Variants in UGT2B11 observed in about 807,000 individuals in gnomAD.
UGT2B11 encodes UDP glucuronosyltransferase family 2 member B11.
A neutral mutation model predicts 51.7 loss-of-function variants in UGT2B11; 49 were observed. The ratio of observed to expected loss-of-function variants is 0.95; its 90% CI spans 0.75 to 1.20. UGT2B11 has a LOEUF of 1.20. Ranked by LOEUF, UGT2B11 falls within the 50% of genes most tolerant of loss-of-function variation. The probability of loss-of-function intolerance (pLI) is 0.00; values close to 1 mark genes in which losing one functional copy is unlikely to be tolerated. For synonymous variants in UGT2B11, 273 were observed against 209.0 expected (o/e 1.31, Z -2.64); for missense variants, 810 against 622.1 (o/e 1.30, Z -3.21).
At chr4:69,219,408 G>C (rs148967974), upstream of UGT2B11, among the ~76,000 whole-genome samples, 908 of 152,132 alleles carry the variant, frequency 6.0e-3, 9 homozygotes, top group African/African-American at 0.021. Context: ...TGTTTATTCT[G>C]TTGATAGTTA....
At chr4:69,218,661 G>C (rs182364853), upstream of UGT2B11, among the ~76,000 whole-genome samples, 19 of 151,896 alleles carry the variant, frequency 1.3e-4, no homozygotes, top group Admixed American at 1.2e-3. Context: ...GAAGGTTCTC[G>C]GATTCCACAC....
upstream of UGT2B11, among the ~76,000 whole-genome samples, chr4:69,217,608 A>G (rs1309484963): frequency 6.6e-6 from 1 of 152,000 alleles, no homozygotes; most frequent in East Asian, 1.9e-4. Flanking sequence ...CCTTTCCAAG[A>G]CAGCCCATAT....
At position 69,200,383 on chromosome 4, in the gene UGT2B11, G is replaced by A; in HGVS notation, c.*57C>T. 7.2e-7 allele frequency: 1 copy of A among 1,397,114 alleles called. No homozygotes were observed. Among genetic ancestry groups the A allele is most frequent in the Admixed American group, 2.4e-5 (1 of 41,440 alleles). The allele number at this position is 1,397,114 out of a possible 1,614,324, so 86.5% of individuals were successfully genotyped here. ...CATAACAATCTTTTCTTTCTTGCTG[G>A]AATAAACTGAAGTTGTCCTATCTAT... On this transcript the variant is annotated 3_prime_UTR_variant, in exon 6 of 6. Transcript: ENST00000446444.
chr4:69,201,369 AT>A (rs1721653165), intron 5 of UGT2B11: 1 of 151,810 alleles, frequency 6.6e-6, no homozygotes, highest in African/African-American at 2.4e-5. Flanking sequence ...AGCCAGAATG[AT>A]TTTTTGAAAT....
In UGT2B11 at chr4:69,213,944, C is replaced by T. The variant is rs188936407; in HGVS notation, c.721+58G>A. On this transcript the variant is annotated intron_variant, in intron 1 of 5. Coordinates refer to ENST00000446444, the MANE Select transcript of UGT2B11 (RefSeq NM_001073.3). Reference sequence around the variant, plus strand: ...CTGACTTTATGGCTTTATAAAAGCTCTGCTTCAAAGACACAAATAAGTTAG... The same window carrying T: ...CTGACTTTATGGCTTTATAAAAGCTTTGCTTCAAAGACACAAATAAGTTAG... 2,753 of 1,489,980 alleles carry T rather than the reference C, an allele frequency of 1.8e-3. 14 individuals are homozygous for T. The Middle Eastern group carries it at 0.021, about 12-fold the overall frequency. The allele number at this position is 1,489,980 out of a possible 1,614,324, so 92.3% of individuals were successfully genotyped here. A position where few individuals can be genotyped will look rare whatever the true frequency, so the allele number is the denominator to read the frequency against.
At chr4:69,213,546 A>T (rs1722152585) in intron 1 of UGT2B11, among the ~76,000 whole-genome samples, 3 of 151,866 alleles carry the variant, frequency 2.0e-5, no homozygotes, top group African/African-American at 4.8e-5. Context: ...AACCTTCTGG[A>T]AACATGGGAA....
At chr4:69,215,933 T>C (rs1250678088), upstream of UGT2B11, 2 of 152,020 alleles carry the variant, frequency 1.3e-5, no homozygotes, top group African/African-American at 4.8e-5. Flanking sequence ...AAAACTAATC[T>C]CACTTCTTTT....
the UGT2B11 span, among the ~76,000 whole-genome samples, chr4:69,223,835 A>G: frequency 6.6e-6 from 1 of 152,058 alleles, no homozygotes; most frequent in Non-Finnish European, 1.5e-5. Flanking sequence ...CTTCCTTCCA[A>G]TACCAACTAT....
chr4:69,205,316 T>C (rs1721808250), intron 4 of UGT2B11, among the ~76,000 whole-genome samples, 164 bp downstream of exon 4: 1 of 151,800 alleles, frequency 6.6e-6, no homozygotes, highest in East Asian at 1.9e-4. Context: ...TTATATATCA[T>C]AAAATGCCAA....
At chr4:69,217,300 G>A (rs1427654407), upstream of UGT2B11, among the ~76,000 whole-genome samples, 1 of 152,144 alleles carries the variant, frequency 6.6e-6, no homozygotes, top group Admixed American at 6.6e-5. Flanking sequence ...AAAGATGCAT[G>A]TCACAAAACA....
chr4:69,200,443 ATC>A lies in UGT2B11; in HGVS notation c.1585_1586del (p.Asp529LeufsTer7), dbSNP rs1013003493. 4.3e-6 allele frequency: 7 copies of A among 1,610,628 alleles called. No individual in the cohort carries two copies. The African/African-American group carries it at 9.4e-5, about 22-fold the overall frequency. On this transcript the variant is annotated frameshift_variant, in exon 6 of 6. Coordinates refer to ENST00000446444, the MANE Select transcript of UGT2B11 (RefSeq NM_001073.3). LOFTEE classifies it high-confidence loss of function. ...FARKGKKGKR[D>X] ...CAGCTTCAAATGTCAGACATAACTA[ATC>A]TCTTTTTCCCTTCTTCCCTTTTCTA...
Position 69,204,516 on chromosome 4 carries a change from G to A in UGT2B11, c.1224C>T (p.Ala408=). The change falls in exon 5 of 6, where the codon GCC becomes GCT. Residue 408 remains alanine, a synonymous_variant. Coordinates refer to ENST00000446444, the MANE Select transcript of UGT2B11 (RefSeq NM_001073.3). ...AGTCCAATCTAACAGCTGCTCCCTT[G>A]GCCTTCATGTGAGCAATGTTATCAG... is the stretch of plus-strand genomic sequence containing the variant. ...DQPDNIAHMK[A]KGAAVRLDFN... 6.2e-7 allele frequency: 1 copy of A among 1,612,232 alleles called. No homozygotes were observed. The highest frequency in any genetic ancestry group is 8.5e-7 in the Non-Finnish European group (1 of 1,178,866).
chr4:69,213,075 T>C (rs1293327579), intron 1 of UGT2B11, among the ~76,000 whole-genome samples: 2 of 151,482 alleles, frequency 1.3e-5, no homozygotes, highest in Admixed American at 6.6e-5. Context: ...AGCTCCATAA[T>C]CAATTAATTC....
At chr4:69,216,260 A>C (rs1049158446), upstream of UGT2B11, 25 of 152,078 alleles carry the variant, frequency 1.6e-4, 1 homozygote, top group Admixed American at 3.9e-4. Context: ...AGCATACTCA[A>C]TGAGCTTTTG....
upstream of UGT2B11, among the ~76,000 whole-genome samples, chr4:69,218,647 G>A (rs928686104): frequency 1.3e-5 from 2 of 152,136 alleles, no homozygotes; most frequent in East Asian, 1.9e-4. Flanking sequence ...TTCAGACACC[G>A]AGAGAAGGTT....
At chr4:69,213,097 T>C (rs1422794318) in intron 1 of UGT2B11, among the ~76,000 whole-genome samples, 2 of 151,550 alleles carry the variant, frequency 1.3e-5, no homozygotes, top group Non-Finnish European at 3.0e-5. Flanking sequence ...ACTGTACCCA[T>C]AAAACCAATT....
the UGT2B11 span, among the ~76,000 whole-genome samples, chr4:69,222,431 C>G: frequency 6.6e-6 from 1 of 152,192 alleles, no homozygotes; most frequent in African/African-American, 2.4e-5. Context: ...CTCAACCCAT[C>G]TAAAATGCAA....
At chr4:69,202,482 G>C (rs1040516226) in intron 5 of UGT2B11, among the ~76,000 whole-genome samples, 9 of 151,128 alleles carry the variant, frequency 6.0e-5, no homozygotes, top group African/African-American at 2.2e-4. Context: ...TTTATATTTC[G>C]TAAGTCTTGA....
upstream of UGT2B11, among the ~76,000 whole-genome samples, chr4:69,218,943 T>A (rs1236773477): frequency 6.6e-6 from 1 of 152,116 alleles, no homozygotes; most frequent in Non-Finnish European, 1.5e-5. Context: ...TAGCCAGAAT[T>A]CCAGATGTCT....
Sources: gnomAD v4.1 joint callset for allele counts (sites outside exome capture counted in the v4.1 genomes callset) on GRCh38, gnomAD v4.1.1 for gene constraint, MANE v1.5 for transcripts, NCBI Gene and HGNC (gene_info 2026-07-23, HGNC 2026-07-21) for gene names.